The following RGS6 variants were observed in gnomAD, a reference collection of about 807,000 sequenced individuals.
The protein encoded by RGS6 is regulator of G-protein signaling 6.
Under a neutral mutation model 78.5 loss-of-function variants are expected in RGS6, and 30 were observed. The observed-to-expected ratio is 0.38, with a 90% CI of 0.29 to 0.52. The LOEUF is 0.52. Among genes scored for constraint, RGS6 ranks in the 20% least tolerant of loss-of-function variants. The probability of loss-of-function intolerance (pLI) is 0.85; values close to 1 mark genes in which losing one functional copy is unlikely to be tolerated. For synonymous variants in RGS6, 206 were observed against 206.0 expected (o/e 1.00, Z 0.00); for missense variants, 495 against 609.7 (o/e 0.81, Z 1.98).
chr14:72,168,818 A>T (rs1224593461), intron 2 of RGS6, among the ~76,000 whole-genome samples: 3 of 152,206 alleles, frequency 2.0e-5, no homozygotes, highest in Non-Finnish European at 4.4e-5. Flanking sequence ...GCTAGAGCAG[A>T]GCCCTCTAAA....
intron 2 of RGS6, among the ~76,000 whole-genome samples, chr14:71,986,633 C>T (rs999176301): frequency 2.0e-5 from 3 of 152,140 alleles, no homozygotes; most frequent in Non-Finnish European, 4.4e-5. Flanking sequence ...TCACCTGAGC[C>T]TGGGGAGCTC....
intron 2 of RGS6, among the ~76,000 whole-genome samples, chr14:72,002,308 C>T (rs1365178317): frequency 6.6e-6 from 1 of 152,144 alleles, no homozygotes; most frequent in Non-Finnish European, 1.5e-5. Flanking sequence ...CCCCAGATCA[C>T]ACAGCTTATT....
the RGS6 span, among the ~76,000 whole-genome samples, chr14:72,627,641 T>C: frequency 2.6e-5 from 4 of 152,118 alleles, no homozygotes; most frequent in Non-Finnish European, 4.4e-5. Flanking sequence ...TGCATGTTTG[T>C]TTCTTCATAT....
At chr14:72,281,487 C>G (rs1413783190) in intron 2 of RGS6, among the ~76,000 whole-genome samples, 1 of 152,122 alleles carries the variant, frequency 6.6e-6, no homozygotes, top group Non-Finnish European at 1.5e-5. Flanking sequence ...CCACTGGGAA[C>G]TAGCCACATG....
At chr14:72,390,857 C>T (rs1190102496) in intron 3 of RGS6, among the ~76,000 whole-genome samples, 2 of 152,106 alleles carry the variant, frequency 1.3e-5, no homozygotes, top group African/African-American at 4.8e-5. Context: ...AAGCTAAAGC[C>T]AGGTTTTCTG....
At chr14:72,365,626 C>T (rs536640383) in intron 3 of RGS6, among the ~76,000 whole-genome samples, 2 of 152,300 alleles carry the variant, frequency 1.3e-5, no homozygotes, top group Admixed American at 1.3e-4. Flanking sequence ...GCACCTGTTT[C>T]GATCTTATGT....
chr14:72,074,453 C>A (rs183306335), intron 2 of RGS6, among the ~76,000 whole-genome samples: 5 of 152,306 alleles, frequency 3.3e-5, no homozygotes, highest in Admixed American at 3.3e-4. Flanking sequence ...TTGCCTTGAC[C>A]TCCCAAAATG....
chr14:72,273,063 T>C (rs1029867527), intron 2 of RGS6, among the ~76,000 whole-genome samples: 76 of 149,806 alleles, frequency 5.1e-4, no homozygotes, highest in Admixed American at 3.4e-4. Context: ...TTGCAGTGAG[T>C]GGAGGTTGCA....
intron 13 of RGS6, among the ~76,000 whole-genome samples, chr14:72,503,670 G>A (rs2096759596): frequency 6.6e-6 from 1 of 152,164 alleles, no homozygotes; most frequent in South Asian, 2.1e-4. Flanking sequence ...AAACCTTAAG[G>A]CTCTAGGAAT....
intron 2 of RGS6, among the ~76,000 whole-genome samples, chr14:72,191,464 A>G (rs1417201040): frequency 6.6e-6 from 1 of 152,206 alleles, no homozygotes; most frequent in Non-Finnish European, 1.5e-5. Context: ...TATAAAGGAA[A>G]AAGGTTTAAT....
rs546695314 is a variant in RGS6 at position 72,562,538 on chromosome 14, G to C, written c.*71G>C. On this transcript the variant is annotated 3_prime_UTR_variant, in exon 18 of 18. Coordinates refer to ENST00000553525, the MANE Select transcript of RGS6 (RefSeq NM_001204424.2). ...GCAGGCGGCGGCGCTCCACATCTGC[G>C]GACAGAGTTTCCTTACGAGGAGACT... The C allele has an allele frequency of 3.8e-6, 6 of 1,597,228 alleles. No individual in the cohort carries two copies. In the African/African-American group the frequency reaches 6.7e-5, roughly 18 times the overall value.
chr14:72,351,680 G>T (rs1379762644), intron 2 of RGS6, among the ~76,000 whole-genome samples: 1 of 151,920 alleles, frequency 6.6e-6, no homozygotes, highest in Non-Finnish European at 1.5e-5. Context: ...ATATTATATT[G>T]AACCATAAGA....
intron 2 of RGS6, among the ~76,000 whole-genome samples, chr14:72,060,429 T>C (rs2093837086): frequency 6.7e-6 from 1 of 148,332 alleles, no homozygotes; most frequent in Non-Finnish European, 1.5e-5. Flanking sequence ...TATAAAAGAC[T>C]AGAATACTGC....
rs1402793951 is a variant in RGS6 at position 72,306,781 on chromosome 14, T to C, written c.85-45314T>C. Among the ~76,000 whole-genome samples the C allele has an allele frequency of 2.0e-5, 3 of 152,174 alleles. No homozygotes were observed. In the East Asian group the frequency reaches 5.8e-4, roughly 29 times the overall value. On this transcript the variant is annotated intron_variant, in intron 2 of 17. Transcript: ENST00000553525. ...GTTCCTTATGGATGAGTAAAGAAAG[T>C]GGTTTCTTGAGATGGAATATGCTCC...
At chr14:72,437,868 A>G (rs574195303) in intron 3 of RGS6, among the ~76,000 whole-genome samples, 1 of 152,356 alleles carries the variant, frequency 6.6e-6, no homozygotes, top group Admixed American at 6.5e-5. Flanking sequence ...TAAGTTGCAC[A>G]AGATACTTCA....
chr14:72,201,335 A>G (rs2041533722), intron 2 of RGS6, among the ~76,000 whole-genome samples: 1 of 152,208 alleles, frequency 6.6e-6, no homozygotes, highest in African/African-American at 2.4e-5. Flanking sequence ...TGTCGATAGA[A>G]TCTGCACAGT....
chr14:72,148,406 A>C (rs974581528), intron 2 of RGS6, among the ~76,000 whole-genome samples: 2 of 152,198 alleles, frequency 1.3e-5, no homozygotes, highest in African/African-American at 2.4e-5. Flanking sequence ...TTTTAAAAAA[A>C]TGAGGGTTTT....
chr14:72,025,394 G>T (rs2089639064), intron 2 of RGS6, among the ~76,000 whole-genome samples: 1 of 152,116 alleles, frequency 6.6e-6, no homozygotes, highest in African/African-American at 2.4e-5. Context: ...TTGCCGAATA[G>T]TGTTTCTTTG....
intron 2 of RGS6, among the ~76,000 whole-genome samples, chr14:72,248,233 T>A (rs1345085442): frequency 6.6e-6 from 1 of 152,208 alleles, no homozygotes; most frequent in Admixed American, 6.5e-5. Flanking sequence ...CCAGATACTA[T>A]ATGACATGTA....
Sources: gnomAD v4.1 joint callset for allele counts (sites outside exome capture counted in the v4.1 genomes callset) on GRCh38, gnomAD v4.1.1 for gene constraint, MANE v1.5 for transcripts, NCBI Gene and HGNC (gene_info 2026-07-23, HGNC 2026-07-21) for gene names.